MCTP1: variants seen among roughly 807,000 people sequenced by gnomAD.
MCTP1 encodes the protein multiple C2 and transmembrane domain containing 1, also known as multiple C2 and transmembrane domain-containing protein 1.
Under a neutral mutation model 120.6 loss-of-function variants are expected in MCTP1, and 69 were observed. The observed-to-expected ratio is 0.57, with a 90% CI of 0.47 to 0.70. MCTP1 has a LOEUF of 0.70. MCTP1 is among the 30% of genes least tolerant of loss of function. The probability of loss-of-function intolerance (pLI) is 0.00; values close to 1 mark genes in which losing one functional copy is unlikely to be tolerated. For missense variants in MCTP1, 1,203 were observed against 1,248.8 expected (o/e 0.96, Z 0.55); for synonymous variants, 529 against 493.1 (o/e 1.07, Z -0.96).
chr5:94,833,189 T>A (rs1788955289), intron 17 of MCTP1, among the ~76,000 whole-genome samples: 1 of 152,176 alleles, frequency 6.6e-6, no homozygotes, highest in African/African-American at 2.4e-5. Flanking sequence ...ATCAGGTCAA[T>A]AAGTTTTGTG....
At chr5:95,271,225 G>GT (rs1254633092) in intron 1 of MCTP1, among the ~76,000 whole-genome samples, 2 of 152,166 alleles carry the variant, frequency 1.3e-5, no homozygotes, top group Non-Finnish European at 2.9e-5. Flanking sequence ...ATAAAATAGT[G>GT]TAAGAAATGT....
chr5:95,141,744 C>CT (rs781773038), intron 1 of MCTP1, among the ~76,000 whole-genome samples: 1 of 151,914 alleles, frequency 6.6e-6, no homozygotes, highest in Non-Finnish European at 1.5e-5. Flanking sequence ...ACTTTTCTTT[C>CT]TTTTTTTCTG....
In MCTP1 at chr5:95,056,644, T is replaced by C. The variant is rs559028574; in HGVS notation, c.721-39160A>G. Among the ~76,000 whole-genome samples, 5 of 152,318 alleles carry C rather than the reference T, an allele frequency of 3.3e-5. No homozygotes were observed. In the South Asian group the frequency reaches 8.3e-4, roughly 25 times the overall value. On this transcript the variant is annotated intron_variant, in intron 1 of 22. Transcript: ENST00000515393. Reference sequence around the variant, plus strand: ...AAACTGATCTTTTGCTCTCTGAGTCTCTACTAAGTGTATTTCTGCATTGTT... The same window carrying C: ...AAACTGATCTTTTGCTCTCTGAGTCCCTACTAAGTGTATTTCTGCATTGTT...
chr5:94,789,586 C>T (rs1458056182), intron 18 of MCTP1: 2 of 152,308 alleles, frequency 1.3e-5, no homozygotes, highest in East Asian at 3.9e-4. Flanking sequence ...GCGTGAAGAA[C>T]AAACAGTGGC....
At chr5:95,251,380 TGAA>T (rs1355871931) in intron 1 of MCTP1, among the ~76,000 whole-genome samples, 1 of 152,070 alleles carries the variant, frequency 6.6e-6, no homozygotes, top group African/African-American at 2.4e-5. Flanking sequence ...AGGTTCAGGT[TGAA>T]GAAGGAGGCA....
chr5:94,935,668 G>A (rs1432346539), intron 5 of MCTP1, among the ~76,000 whole-genome samples: 1 of 152,036 alleles, frequency 6.6e-6, no homozygotes, highest in African/African-American at 2.4e-5. Flanking sequence ...AACATCTTCA[G>A]TGCTAAAAGC....
At chr5:94,846,501 G>A (rs1792398914) in intron 17 of MCTP1, among the ~76,000 whole-genome samples, 2 of 152,078 alleles carry the variant, frequency 1.3e-5, no homozygotes, top group Non-Finnish European at 2.9e-5. Context: ...GGGCCTATGT[G>A]AAAATGGAGA....
chr5:94,983,062 A>C (rs966913623), intron 2 of MCTP1, among the ~76,000 whole-genome samples: 6 of 152,084 alleles, frequency 3.9e-5, no homozygotes, highest in African/African-American at 1.4e-4. Flanking sequence ...ACACATGTAA[A>C]GTACCTTGGA....
chr5:94,949,052 A>T (rs1819826532), intron 3 of MCTP1, among the ~76,000 whole-genome samples: 1 of 152,152 alleles, frequency 6.6e-6, no homozygotes, highest in Non-Finnish European at 1.5e-5. Context: ...GGTCCCATAC[A>T]ATTATTTTTC....
intron 2 of MCTP1, chr5:94,976,689 A>G (rs1191617642): frequency 3.3e-5 from 5 of 152,106 alleles, no homozygotes; most frequent in Non-Finnish European, 5.9e-5. Context: ...TCCACAAGAT[A>G]TTTAGAAGGA....
In MCTP1 at chr5:95,284,685, C is replaced by A; in HGVS notation, c.-110G>T. On this transcript the variant is annotated 5_prime_UTR_variant, in exon 1 of 23. Transcript: ENST00000515393. This position sits in a 1 kb window ranked among gnomAD's most constrained non-coding sequence, Gnocchi z 5.2. ...GTCCCCGCGGCGCTGGCGGTGGCGGCGGCGGCGGCGGCGGGCGCAGCAGCA... is the reference window on the plus strand; with the variant it reads ...GTCCCCGCGGCGCTGGCGGTGGCGGAGGCGGCGGCGGCGGGCGCAGCAGCA... 1.1e-6 allele frequency: 1 copy of A among 877,560 alleles called. No homozygotes were observed. Among genetic ancestry groups the A allele is most frequent in the Non-Finnish European group, 1.6e-6 (1 of 630,072 alleles). The allele number at this position is 877,560 out of a possible 1,614,324, so 54.4% of individuals were successfully genotyped here.
chr5:94,825,986 C>T (rs546260824), intron 17 of MCTP1: 38 of 273,930 alleles, frequency 1.4e-4, no homozygotes, highest in Non-Finnish European at 2.6e-4. Flanking sequence ...GCCTGTTGAT[C>T]TGGTCCTCCC....
Position 94,954,151 on chromosome 5 carries a change from T to C in MCTP1, c.839-790A>G, listed in dbSNP as rs1158711108. On this transcript the variant is annotated intron_variant, in intron 2 of 22. Coordinates refer to ENST00000515393, the MANE Select transcript of MCTP1 (RefSeq NM_024717.7). ...ATATATATATGCATATATATACATA[T>C]ATATATGCATATATATACATATATA... Among the ~76,000 whole-genome samples the C allele has an allele frequency of 4.8e-5, 5 of 104,876 alleles. No homozygotes were observed. The East Asian group carries it at 9.4e-4, about 20-fold the overall frequency. 68.8% of individuals were successfully genotyped at this position (104,876 alleles called of 152,430 possible). A position where few individuals can be genotyped will look rare whatever the true frequency, so the allele number is the denominator to read the frequency against.
chr5:94,792,907 T>G lies in MCTP1; in HGVS notation c.2556+6106A>C, dbSNP rs539470078. The stretch of plus-strand genomic sequence containing the variant: ...ACCAGATGAATATAGAACATCCACT[T>G]AAACTGGAATTTCAGACAAATTAAG... On this transcript the variant is annotated intron_variant, in intron 18 of 22. Transcript: ENST00000515393. 3 of 152,348 alleles carry G rather than the reference T, an allele frequency of 2.0e-5. No individual in the cohort carries two copies. The East Asian group carries it at 5.8e-4, about 29-fold the overall frequency. The allele number at this position is 152,348 out of a possible 1,614,324, so 9.4% of individuals were successfully genotyped here. A position where few individuals can be genotyped will look rare whatever the true frequency, so the allele number is the denominator to read the frequency against.
intron 13 of MCTP1, 99 bp downstream of exon 13, chr5:94,873,040 T>A (rs990495183): frequency 8.3e-6 from 6 of 724,828 alleles, no homozygotes; most frequent in Non-Finnish European, 1.4e-5. Context: ...GAGTTGTGAA[T>A]CAGTTAAGAA....
At chr5:94,858,373 C>A (rs540969057) in intron 17 of MCTP1, among the ~76,000 whole-genome samples, 1 of 151,688 alleles carries the variant, frequency 6.6e-6, no homozygotes, top group South Asian at 2.1e-4. Flanking sequence ...TAGAAAAGTT[C>A]ATCAAAACAT....
intron 19 of MCTP1, among the ~76,000 whole-genome samples, chr5:94,744,038 A>G (rs548307339): frequency 5.8e-4 from 88 of 151,354 alleles, no homozygotes; most frequent in Non-Finnish European, 9.6e-4. Flanking sequence ...TGGCACCATC[A>G]CAGCTCACTG....
intron 1 of MCTP1, among the ~76,000 whole-genome samples, chr5:95,107,161 A>G (rs1405720137): frequency 6.6e-6 from 1 of 152,230 alleles, no homozygotes; most frequent in Non-Finnish European, 1.5e-5. Flanking sequence ...GAGTTCATTT[A>G]AATAGTTTTG....
chr5:94,902,299 G>T (rs1407595326), intron 10 of MCTP1, among the ~76,000 whole-genome samples: 1 of 152,070 alleles, frequency 6.6e-6, no homozygotes, highest in Non-Finnish European at 1.5e-5. Flanking sequence ...AGCTCACAAA[G>T]CAGTGGTACT....
Sources: gnomAD v4.1 joint callset for allele counts (sites outside exome capture counted in the v4.1 genomes callset) on GRCh38, gnomAD v4.1.1 for gene constraint, Gnocchi (gnomAD v3.1) non-coding constraint, MANE v1.5 for transcripts, NCBI Gene and HGNC (gene_info 2026-07-23, HGNC 2026-07-21) for gene names.